Variants in CCDC126 observed in about 807,000 individuals in gnomAD.
CCDC126 encodes coiled-coil domain-containing protein 126.
Under a neutral mutation model 11.7 loss-of-function variants are expected in CCDC126, and 5 were observed. That is an observed-to-expected ratio of 0.43 (90% CI 0.22 to 0.90). The LOEUF (loss-of-function observed/expected upper bound fraction) is 0.90. CCDC126 is among the 40% of genes least tolerant of loss of function. The pLI, the probability that CCDC126 is intolerant of heterozygous loss-of-function variation, is 0.27. For synonymous variants in CCDC126, 60 were observed against 61.9 expected, an observed-to-expected ratio of 0.97 and a Z score of 0.14; for missense variants, 150 against 163.1, an observed-to-expected ratio of 0.92 and a Z score of 0.44.
chr7:23,605,272 G>A (rs1782604273), intron 2 of CCDC126, among the ~76,000 whole-genome samples: 1 of 151,992 alleles, frequency 6.6e-6, no homozygotes, highest in Admixed American at 6.6e-5. Context: ...AAGAGAAATG[G>A]GTAGAAGTCA....
Position 23,643,385 on chromosome 7 carries a change from T to A in CCDC126, c.*270T>A, listed in dbSNP as rs986473759. On this transcript the variant is annotated 3_prime_UTR_variant, in exon 4 of 4. Coordinates refer to ENST00000307471, the MANE Select transcript of CCDC126 (RefSeq NM_138771.4). ...TGATGTGGTAAGCAGATAGGTGAGT[T>A]TTGTATAAATCTTTTGTGTTTGAGA... 23 of 299,330 alleles carry A rather than the reference T, an allele frequency of 7.7e-5. No individual in the cohort carries two copies. Among genetic ancestry groups the A allele is most frequent in the Non-Finnish European group, 1.3e-4 (21 of 164,196 alleles). 18.5% of individuals were successfully genotyped at this position (299,330 alleles called of 1,614,324 possible). A position where few individuals can be genotyped will look rare whatever the true frequency, so the allele number is the denominator to read the frequency against.
chr7:23,621,658 A>G (rs1397194898), intron 3 of CCDC126, among the ~76,000 whole-genome samples: 2 of 152,166 alleles, frequency 1.3e-5, no homozygotes, highest in East Asian at 1.9e-4. Flanking sequence ...GTCTTGTGCC[A>G]GTTTTCAAAG....
chr7:23,605,772 C>T (rs895922285), intron 2 of CCDC126, among the ~76,000 whole-genome samples: 3 of 152,152 alleles, frequency 2.0e-5, no homozygotes, highest in African/African-American at 7.2e-5. Flanking sequence ...CTGCAATGAA[C>T]ACTGGCATAC....
intron 2 of CCDC126, among the ~76,000 whole-genome samples, chr7:23,600,097 A>T (rs1334580130): frequency 6.6e-6 from 1 of 152,166 alleles, no homozygotes; most frequent in Non-Finnish European, 1.5e-5. Context: ...ATTTTAAATT[A>T]AACTTTTACT....
At chr7:23,612,537 G>A (rs1584198537) in intron 3 of CCDC126, among the ~76,000 whole-genome samples, 1 of 150,316 alleles carries the variant, frequency 6.7e-6, no homozygotes, top group East Asian at 2.0e-4. Flanking sequence ...GCCAGGCATG[G>A]TGATACACAC....
intron 2 of CCDC126, among the ~76,000 whole-genome samples, chr7:23,598,892 T>C (rs987862213): frequency 2.6e-5 from 4 of 152,218 alleles, no homozygotes; most frequent in Non-Finnish European, 4.4e-5. Flanking sequence ...ATCTCTAAAA[T>C]AGTGAATTGG....
chr7:23,637,656 G>T (rs1344750575), intron 3 of CCDC126, among the ~76,000 whole-genome samples: 144 of 3,980 alleles, frequency 0.036, 32 homozygotes, highest in Non-Finnish European at 0.048. Flanking sequence ...GGAGGGAGGT[G>T]GGGGGGTCAG....
chr7:23,632,312 C>T (rs1783130366), intron 3 of CCDC126, among the ~76,000 whole-genome samples: 1 of 152,142 alleles, frequency 6.6e-6, no homozygotes, highest in South Asian at 2.1e-4. Flanking sequence ...CCAGGCTGGT[C>T]TTGGAACTCC....
intron 3 of CCDC126, among the ~76,000 whole-genome samples, chr7:23,635,367 C>A (rs1268781671): frequency 6.6e-6 from 1 of 152,234 alleles, no homozygotes; most frequent in Non-Finnish European, 1.5e-5. Flanking sequence ...GGGGTTCTTA[C>A]TGCTAGCACC....
At chr7:23,609,023 T>C (rs1450272182) in intron 2 of CCDC126, among the ~76,000 whole-genome samples, 1 of 151,986 alleles carries the variant, frequency 6.6e-6, no homozygotes, top group East Asian at 1.9e-4. Context: ...ATGAGCCAGT[T>C]CGTTGATCTG....
intron 3 of CCDC126, among the ~76,000 whole-genome samples, chr7:23,625,971 A>G (rs539221107): frequency 9.9e-5 from 15 of 151,796 alleles, no homozygotes; most frequent in African/African-American, 2.9e-4. Flanking sequence ...CTGATTCTTT[A>G]TAAAGATGCT....
intron 3 of CCDC126, among the ~76,000 whole-genome samples, chr7:23,612,001 C>T (rs1782720077): frequency 1.3e-5 from 2 of 152,004 alleles, no homozygotes; most frequent in Non-Finnish European, 1.5e-5. Flanking sequence ...AACAAATTAG[C>T]CAGACATGGT....
chr7:23,630,718 CAAAAAAA>C (rs775279967), intron 3 of CCDC126, among the ~76,000 whole-genome samples: 73 of 25,520 alleles, frequency 2.9e-3, no homozygotes, highest in Non-Finnish European at 4.3e-3. Context: ...GACCCTATCT[CAAAAAAA>C]AAAAAAAAAA....
chr7:23,613,993 A>G (rs1782757387), intron 3 of CCDC126, among the ~76,000 whole-genome samples: 1 of 152,228 alleles, frequency 6.6e-6, no homozygotes, highest in Non-Finnish European at 1.5e-5. Context: ...CTGGTGGAGG[A>G]TCTTGCCTTG....
chr7:23,608,181 C>T (rs11760419), intron 2 of CCDC126, among the ~76,000 whole-genome samples: 27,840 of 152,102 alleles, frequency 0.18, 2,941 homozygotes, highest in Non-Finnish European at 0.25. Context: ...AAAGGTGAAG[C>T]GGAGGACACG....
At chr7:23,638,728 A>AAAAAAAAAAAAAAAAAAAAAAAAAT (rs1783292725) in intron 3 of CCDC126, among the ~76,000 whole-genome samples, 1 of 32,554 alleles carries the variant, frequency 3.1e-5, no homozygotes, top group Non-Finnish European at 5.1e-5. Context: ...AAAAAAAATT[A>AAAAAAAAAAAAAAAAAAAAAAAAAT]AAAAAAAAAA....
chr7:23,608,067 C>T (rs1026672331), intron 2 of CCDC126, among the ~76,000 whole-genome samples: 65 of 152,166 alleles, frequency 4.3e-4, no homozygotes, highest in African/African-American at 1.4e-3. Context: ...AAAGGAGAAA[C>T]GTGCATGCAC....
chr7:23,637,057 C>T (rs1783242155), intron 3 of CCDC126, among the ~76,000 whole-genome samples: 1 of 99,882 alleles, frequency 1.0e-5, no homozygotes, highest in Admixed American at 8.5e-5. Context: ...CGGCCAGCCG[C>T]CCCGTCCGGG....
chr7:23,630,788 A>G (rs1272182481), intron 3 of CCDC126, among the ~76,000 whole-genome samples: 1 of 151,154 alleles, frequency 6.6e-6, no homozygotes, highest in East Asian at 1.9e-4. Context: ...GTTCTGGGCC[A>G]TAAAACAAGC....
Sources: allele counts gnomAD v4.1 joint callset (sites outside exome capture counted in the v4.1 genomes callset), GRCh38; gene constraint gnomAD v4.1.1; transcripts MANE v1.5; gene names NCBI Gene and HGNC (gene_info 2026-07-23, HGNC 2026-07-21).